Variants in VPS13B observed in about 807,000 individuals in gnomAD.
VPS13B encodes the protein vacuolar protein sorting 13 homolog B, also known as intermembrane lipid transfer protein VPS13B.
Under a neutral mutation model 426.4 loss-of-function variants are expected in VPS13B, and 285 were observed. That is an observed-to-expected ratio of 0.67 (90% CI 0.61 to 0.74). VPS13B has a LOEUF of 0.74. Ranked by LOEUF, VPS13B falls within the 30% of genes least tolerant of loss-of-function variation. The pLI, the probability that VPS13B is intolerant of heterozygous loss-of-function variation, is 0.00. For synonymous variants in VPS13B, 1,676 were observed against 1,676.4 expected, an observed-to-expected ratio of 1.00 and a Z score of 0.01; for missense variants, 4,537 against 4,782.6, an observed-to-expected ratio of 0.95 and a Z score of 1.51.
intron 19 of VPS13B, among the ~76,000 whole-genome samples, chr8:99,313,785 G>T (rs935584242): frequency 6.6e-6 from 1 of 152,112 alleles, no homozygotes; most frequent in African/African-American, 2.4e-5. Context: ...ACAGAGTCAC[G>T]CAGGCTTCCT....
chr8:99,126,759 T>C (rs191494685), intron 8 of VPS13B, among the ~76,000 whole-genome samples: 1 of 152,346 alleles, frequency 6.6e-6, no homozygotes, highest in East Asian at 1.9e-4. Flanking sequence ...TTCTGACATA[T>C]ATATGTGGAA....
At chr8:99,720,660 A>G in intron 38 of VPS13B, 108 bp downstream of exon 38, 3 of 1,288,090 alleles carry the variant, frequency 2.3e-6, no homozygotes, top group Non-Finnish European at 3.3e-6. Context: ...AAGTGCGTTA[A>G]AATTTGCAGT....
intron 54 of VPS13B, among the ~76,000 whole-genome samples, chr8:99,842,599 A>G (rs1235221575): frequency 6.6e-6 from 1 of 152,150 alleles, no homozygotes; most frequent in Non-Finnish European, 1.5e-5. Context: ...TGGTTAACAG[A>G]GCAAAACCCG....
intron 3 of VPS13B, among the ~76,000 whole-genome samples, chr8:99,039,581 CTTTTAG>C (rs1842888001): frequency 6.8e-6 from 1 of 147,330 alleles, no homozygotes; most frequent in Non-Finnish European, 1.5e-5. Context: ...TAATATTTAA[CTTTTAG>C]TTTTAAGGAA....
chr8:99,862,007 C>A, intron 58 of VPS13B, 61 bp downstream of exon 58: 1 of 1,515,070 alleles, frequency 6.6e-7, no homozygotes, highest in South Asian at 1.2e-5. Flanking sequence ...GCAGGGTCTC[C>A]CAGGACTGGG....
intron 37 of VPS13B, 129 bp downstream of exon 37, chr8:99,717,502 A>G (rs1832971431): frequency 1.2e-6 from 1 of 837,228 alleles, no homozygotes; most frequent in Non-Finnish European, 2.0e-6. Context: ...CTACTTGTTA[A>G]ATTTTCAACA....
At chr8:99,835,834 C>T in intron 54 of VPS13B, 96 bp downstream of exon 54, 1 of 1,232,994 alleles carries the variant, frequency 8.1e-7, no homozygotes. Context: ...TTTCTAAATG[C>T]TGAACATCTT....
intron 8 of VPS13B, among the ~76,000 whole-genome samples, chr8:99,129,469 G>A (rs1809631662): frequency 6.6e-6 from 1 of 150,608 alleles, no homozygotes; most frequent in African/African-American, 2.4e-5. Flanking sequence ...TTAGGAGGCT[G>A]AAGTGGGAGT....
intron 6 of VPS13B, among the ~76,000 whole-genome samples, chr8:99,112,356 A>T (rs1054051602): frequency 3.3e-5 from 5 of 152,188 alleles, no homozygotes; most frequent in Non-Finnish European, 7.4e-5. Context: ...GTATGGCTGT[A>T]TAAAAATTAG....
intron 19 of VPS13B, among the ~76,000 whole-genome samples, chr8:99,294,937 T>A (rs1261917436): frequency 6.6e-6 from 1 of 152,206 alleles, no homozygotes; most frequent in Non-Finnish European, 1.5e-5. Flanking sequence ...GTGGTGGCTG[T>A]GGATGACATT....
At chr8:99,847,236 G>A (rs1345711139) in intron 54 of VPS13B, among the ~76,000 whole-genome samples, 4 of 152,180 alleles carry the variant, frequency 2.6e-5, no homozygotes, top group Non-Finnish European at 5.9e-5. Context: ...TTTGGGAAAC[G>A]TGTTCATAGA....
Position 99,832,587 on chromosome 8 carries a change from A to G in VPS13B, c.9549A>G (p.Pro3183=). 1 of 1,613,976 alleles carries G rather than the reference A, an allele frequency of 6.2e-7. No individual in the cohort carries two copies. The highest frequency in any genetic ancestry group is 8.5e-7 in the Non-Finnish European group (1 of 1,180,010). ...QCWSLPAIVR[P]EFPRQSVAVP... ...GGAGCCTGCCAGCTATAGTTAGACCAGAGTTTCCCAGACAGAGTGTGGCAG... is the reference window on the plus strand; with the variant it reads ...GGAGCCTGCCAGCTATAGTTAGACCGGAGTTTCCCAGACAGAGTGTGGCAG... The change falls in exon 52 of 62, where the codon CCA becomes CCG. Residue 3183 remains proline, a synonymous_variant. Transcript: ENST00000357162.
chr8:99,474,868 T>A (rs183773632), intron 24 of VPS13B, among the ~76,000 whole-genome samples: 60 of 152,250 alleles, frequency 3.9e-4, no homozygotes, highest in Admixed American at 5.2e-4. Flanking sequence ...CAAAAATATA[T>A]ATCCACAAAA....
In VPS13B at chr8:99,640,056, GAAAAGAAAAGAA is replaced by G. The variant is rs1563838942; in HGVS notation, c.5221-1752_5221-1741del. 2.6e-3 allele frequency among the ~76,000 whole-genome samples: 244 copies of G among 95,136 alleles called. 2 individuals are homozygous for G. The highest frequency in any genetic ancestry group is 7.2e-3 in the African/African-American group (148 of 20,608). 62.4% of individuals were successfully genotyped at this position (95,136 alleles called of 152,430 possible). On this transcript the variant is annotated intron_variant, in intron 33 of 61. Coordinates refer to ENST00000357162, the MANE Select transcript of VPS13B (RefSeq NM_152564.5). ...GAAGAAGAAGAAGAAGAAGAGAAAA[GAAAAGAAAAGAA>G]AAGAAAAGAAAAGAAAAGAAAAGAA... is the stretch of plus-strand genomic sequence containing the variant.
intron 22 of VPS13B, among the ~76,000 whole-genome samples, chr8:99,434,362 A>G (rs1817267384): frequency 6.6e-6 from 1 of 152,198 alleles, no homozygotes; most frequent in East Asian, 1.9e-4. Flanking sequence ...CAGATGGTCA[A>G]CACTTTTATT....
intron 25 of VPS13B, among the ~76,000 whole-genome samples, chr8:99,484,409 C>A (rs1312734292): frequency 6.6e-6 from 1 of 152,082 alleles, no homozygotes; most frequent in Non-Finnish European, 1.5e-5. Context: ...AATGTACCCT[C>A]TTCTCTTATT....
intron 25 of VPS13B, among the ~76,000 whole-genome samples, chr8:99,495,655 C>T (rs1460660107): frequency 1.3e-5 from 2 of 152,206 alleles, no homozygotes; most frequent in Non-Finnish European, 2.9e-5. Context: ...GTTAATCTTA[C>T]AGCTAGAAGT....
chr8:99,464,564 T>C (rs1272290586), intron 23 of VPS13B, among the ~76,000 whole-genome samples: 2 of 152,212 alleles, frequency 1.3e-5, no homozygotes, highest in Non-Finnish European at 2.9e-5. Flanking sequence ...ATTAAAATTA[T>C]TTTTGTGTCA....
At chr8:99,795,731 T>C (rs1428182001) in intron 43 of VPS13B, among the ~76,000 whole-genome samples, 5 of 152,136 alleles carry the variant, frequency 3.3e-5, no homozygotes, top group Admixed American at 2.0e-4. Flanking sequence ...TCCAAAATAC[T>C]TACCTACATG....
Sources: gnomAD v4.1 joint callset for allele counts (sites outside exome capture counted in the v4.1 genomes callset) on GRCh38, gnomAD v4.1.1 for gene constraint, MANE v1.5 for transcripts, NCBI Gene and HGNC (gene_info 2026-07-23, HGNC 2026-07-21) for gene names.